The following DCTN3 variants were observed in gnomAD, a reference collection of about 807,000 sequenced individuals.
DCTN3 encodes dynactin 3 (p22).
In DCTN3, 25 loss-of-function variants were observed where a neutral mutation model predicts 28.4. The ratio of observed to expected loss-of-function variants is 0.88; its 90% CI spans 0.64 to 1.23. The LOEUF is 1.23. Ranked by LOEUF, DCTN3 falls within the 50% of genes most tolerant of loss-of-function variation. DCTN3 has a pLI of 0.00. For synonymous variants in DCTN3, 81 were observed against 91.4 expected, an observed-to-expected ratio of 0.89 and a Z score of 0.65; for missense variants, 229 against 232.0, an observed-to-expected ratio of 0.99 and a Z score of 0.08.
chr9:34,615,768 T>C (rs1225326910), intron 4 of DCTN3: 5 of 308,068 alleles, frequency 1.6e-5, no homozygotes, highest in African/African-American at 4.4e-5. Context: ...CCAGGTGTGG[T>C]GGCACACACC....
chr9:34,614,065 G>C lies in DCTN3; in HGVS notation c.448C>G (p.Leu150Val), dbSNP rs1564086279. 1.2e-6 allele frequency: 2 copies of C among 1,612,708 alleles called. No homozygotes were observed. The highest frequency in any genetic ancestry group is 1.1e-5 in the South Asian group (1 of 91,008). Residue 150 changes from leucine to valine, a missense_variant, in exon 6 of 7, where the codon CTC becomes GTC. Transcript: ENST00000259632. ...ACAGTCTTGTTGTATTCCTCCAGGAGAGCCTTGGACTCCTCAGTGATTTCC... is the reference window on the plus strand; with the variant it reads ...ACAGTCTTGTTGTATTCCTCCAGGACAGCCTTGGACTCCTCAGTGATTTCC... ...CVEITEESKA[L>V]LEEYNKTTML...
At chr9:34,619,466 T>C (rs888868828) in intron 1 of DCTN3, among the ~76,000 whole-genome samples, 2 of 152,046 alleles carry the variant, frequency 1.3e-5, no homozygotes, top group African/African-American at 4.8e-5. Context: ...AGAATCCCAA[T>C]ATTAAAGGGT....
chr9:34,614,158 A>C, intron 5 of DCTN3, 57 bp from the exon 6 acceptor site: 4 of 1,613,834 alleles, frequency 2.5e-6, no homozygotes, highest in Non-Finnish European at 3.4e-6. Context: ...ATCTTCCACT[A>C]AACTTCCTGC....
intron 1 of DCTN3, among the ~76,000 whole-genome samples, chr9:34,619,359 G>A (rs1820497816): frequency 6.6e-6 from 1 of 152,196 alleles, no homozygotes; most frequent in Non-Finnish European, 1.5e-5. Flanking sequence ...ACAGAAATCT[G>A]GACCAGAGAT....
rs529408280 is a variant in DCTN3 at position 34,619,559 on chromosome 9, A to G, written c.97-799T>C. Among the ~76,000 whole-genome samples the G allele has an allele frequency of 2.8e-4, 43 of 152,324 alleles. No homozygotes were observed. In the South Asian group the frequency reaches 8.3e-3, roughly 29 times the overall value. On this transcript the variant is annotated intron_variant, in intron 1 of 6. Coordinates refer to ENST00000259632, the MANE Select transcript of DCTN3 (RefSeq NM_007234.5). The stretch of plus-strand genomic sequence containing the variant: ...ATGAGGAATGCCAGGGGGGAGGCAA[A>G]TAACACTGAGAAGCAGCCGTAAGAG...
In DCTN3 at chr9:34,616,622, T is replaced by C. The variant is rs1329470931; in HGVS notation, c.269-509A>G. 6.5e-6 allele frequency: 1 copy of C among 153,434 alleles called. No homozygotes were observed. The highest frequency in any genetic ancestry group is 1.5e-5 in the Non-Finnish European group (1 of 68,950). 9.5% of individuals were successfully genotyped at this position (153,434 alleles called of 1,614,324 possible). ...GGAGAGCAGGATCTGGGCTAGGCCC[T>C]GTATGCACACGGGATTTCAATGCAC... On this transcript the variant is annotated intron_variant, in intron 3 of 6. Transcript: ENST00000259632. The surrounding 1 kb of genome is among the most constrained non-coding windows in gnomAD (Gnocchi z 4.7).
Position 34,614,711 on chromosome 9 carries a change from T to C in DCTN3, c.410A>G (p.Gln137Arg). ...TTCTAGTCATCTCCCCTCCCATACC[T>C]GCTGCTGAATGTGGATCTGGGCCAA... ...QRLAQIHIQQ[Q>R]DQCVEITEES... Residue 137 changes from glutamine to arginine, a missense_variant and splice_region_variant, in exon 5 of 7, where the codon CAG becomes CGG. Physicochemically the swap from Gln to Arg is conservative, Grantham distance 43 (BLOSUM62 1). Coordinates refer to ENST00000259632, the MANE Select transcript of DCTN3 (RefSeq NM_007234.5). 6.2e-7 allele frequency: 1 copy of C among 1,614,102 alleles called. No homozygotes were observed. Among genetic ancestry groups the C allele is most frequent in the Non-Finnish European group, 8.5e-7 (1 of 1,180,022 alleles).
intron 1 of DCTN3, among the ~76,000 whole-genome samples, chr9:34,619,484 A>G (rs1188694405): frequency 6.6e-6 from 1 of 152,178 alleles, no homozygotes. Context: ...GGTCAAATAG[A>G]GGAGGAGACT....
At chr9:34,617,681 C>T in intron 3 of DCTN3, 1 of 1,480,248 alleles carries the variant, frequency 6.8e-7, no homozygotes, top group Non-Finnish European at 9.1e-7. Context: ...GGCACCATGG[C>T]CTGCAGCTGG....
chr9:34,613,851 T>A lies in DCTN3; in HGVS notation c.492A>T (p.Gln164His), dbSNP rs751688962. 4.3e-6 allele frequency: 7 copies of A among 1,614,116 alleles called. No homozygotes were observed. The highest frequency in any genetic ancestry group is 5.9e-6 in the Non-Finnish European group (7 of 1,179,998). The change falls in exon 7 of 7, where the codon CAA becomes CAT. Residue 164 changes from glutamine to histidine, a missense_variant. Physicochemically the swap from Gln to His is conservative, Grantham distance 24. Coordinates refer to ENST00000259632, the MANE Select transcript of DCTN3 (RefSeq NM_007234.5). ...AAAGTAGCTCATCCCACTGCACGAA[T>A]TGCTTGGAGAGAAGCATTGTCTGGT... ...YNKTTMLLSKQFVQWDELLCQ... is the reference protein window; with the variant it reads ...YNKTTMLLSKHFVQWDELLCQ...
rs1438951323 is a variant in DCTN3, at chr9:34,616,977, T to G, written c.269-864A>C. On this transcript the variant is annotated intron_variant, in intron 3 of 6. Transcript: ENST00000259632. The surrounding 1 kb of genome is among the most constrained non-coding windows in gnomAD (Gnocchi z 4.7). ...GGAAAGATTAGGGTCAAGAGTATGA[T>G]TTAGGAGACTGTGCAACCATTCATA... Among the ~76,000 whole-genome samples, 1 of 152,100 alleles carries G rather than the reference T, an allele frequency of 6.6e-6. No homozygotes were observed. The highest frequency in any genetic ancestry group is 6.5e-5 in the Admixed American group (1 of 15,274).
At chr9:34,617,065 G>A (rs867741261) in intron 3 of DCTN3, among the ~76,000 whole-genome samples, 4 of 152,216 alleles carry the variant, frequency 2.6e-5, no homozygotes, top group African/African-American at 9.6e-5. Context: ...CTGGACTCAA[G>A]AGTCAGTGCA....
chr9:34,614,739 G>C lies in DCTN3; in HGVS notation c.382C>G (p.Arg128Gly). 1 of 1,614,008 alleles carries C rather than the reference G, an allele frequency of 6.2e-7. No homozygotes were observed. The highest frequency in any genetic ancestry group is 8.5e-7 in the Non-Finnish European group (1 of 1,180,028). The change falls in exon 5 of 7, where the codon CGC becomes GGC. Residue 128 changes from arginine to glycine, a missense_variant. By Grantham distance (125) the Arg-to-Gly change is moderately radical (BLOSUM62 -2). Transcript: ENST00000259632. ...TGCTGAATGTGGATCTGGGCCAAGC[G>C]CTGCAGGCGGGCAGCATGCTCAGGA... Reference protein sequence around the residue: ...AVPEHAARLQRLAQIHIQQQD... With the variant: ...AVPEHAARLQGLAQIHIQQQD...
In DCTN3 at chr9:34,616,229, C is replaced by T. The variant is rs901409620; in HGVS notation, c.269-116G>A. ...GATGGCTAGGTCCTAGAGCTTTGGA[C>T]AGTGACTCTGTCCACTGCCCCCTTC... On this transcript the variant is annotated intron_variant, in intron 3 of 6. Coordinates refer to ENST00000259632, the MANE Select transcript of DCTN3 (RefSeq NM_007234.5). This position sits in a 1 kb window ranked among gnomAD's most constrained non-coding sequence, Gnocchi z 4.7. 1.4e-6 allele frequency: 1 copy of T among 711,924 alleles called. No individual in the cohort carries two copies. The highest frequency in any genetic ancestry group is 2.4e-6 in the Non-Finnish European group (1 of 408,734). 44.1% of individuals were successfully genotyped at this position (711,924 alleles called of 1,614,324 possible). A position where few individuals can be genotyped will look rare whatever the true frequency, so the allele number is the denominator to read the frequency against.
chr9:34,613,785 C>A lies in DCTN3; in HGVS notation c.558G>T (p.Glu186Asp), dbSNP rs1820356080. The A allele has an allele frequency of 6.2e-7, 1 of 1,613,924 alleles. No individual in the cohort carries two copies. Among genetic ancestry groups the A allele is most frequent in the African/African-American group, 1.3e-5 (1 of 75,076 alleles). ...EAATQVKPAE[E>D] ...ACTTTGGGATGGGGAGCAGCTATCA[C>A]TCCTCTGCTGGCTTCACTTGCGTGG... is the stretch of plus-strand genomic sequence containing the variant. The change falls in exon 7 of 7, where the codon GAG becomes GAT. Residue 186 changes from glutamate to aspartate, a missense_variant. Physicochemically the swap from Glu to Asp is conservative, Grantham distance 45 (BLOSUM62 2). Coordinates refer to ENST00000259632, the MANE Select transcript of DCTN3 (RefSeq NM_007234.5).
At chr9:34,619,091 C>T (rs1318407859) in intron 1 of DCTN3, among the ~76,000 whole-genome samples, 1 of 152,202 alleles carries the variant, frequency 6.6e-6, no homozygotes, top group African/African-American at 2.4e-5. Flanking sequence ...CTCATTCAAG[C>T]CTTCATGACC....
rs182041904 is a variant in DCTN3, at chr9:34,617,405, C to A, written c.268+480G>T. Among the ~76,000 whole-genome samples the A allele has an allele frequency of 2.3e-4, 35 of 152,340 alleles. No homozygotes were observed. In the East Asian group the frequency reaches 5.4e-3, roughly 23 times the overall value. On this transcript the variant is annotated intron_variant, in intron 3 of 6. Transcript: ENST00000259632. ...GATGAATAACGAAGCTCAAAAAACC[C>A]TAGCTTATAGAATGGCTGACTGATT...
intron 1 of DCTN3, 57 bp downstream of exon 1, chr9:34,620,312 G>T: frequency 6.6e-7 from 1 of 1,511,672 alleles, no homozygotes; most frequent in Non-Finnish European, 9.2e-7. Flanking sequence ...CGAGGGCCAG[G>T]ACAGTGGACC....
chr9:34,614,710 C>G lies in DCTN3; in HGVS notation c.411G>C (p.Gln137His). 1 of 1,614,114 alleles carries G rather than the reference C, an allele frequency of 6.2e-7. No individual in the cohort carries two copies. The highest frequency in any genetic ancestry group is 2.2e-5 in the East Asian group (1 of 44,892). ...CTTCTAGTCATCTCCCCTCCCATAC[C>G]TGCTGCTGAATGTGGATCTGGGCCA... ...QRLAQIHIQQ[Q>H]DQCVEITEES... The change falls in exon 5 of 7, where the codon CAG becomes CAC. Residue 137 changes from glutamine to histidine, a missense_variant and splice_region_variant. Coordinates refer to ENST00000259632, the MANE Select transcript of DCTN3 (RefSeq NM_007234.5).
Sources: allele counts gnomAD v4.1 joint callset (sites outside exome capture counted in the v4.1 genomes callset), GRCh38; gene constraint gnomAD v4.1.1; non-coding constraint Gnocchi (gnomAD v3.1); transcripts MANE v1.5; gene names NCBI Gene and HGNC (gene_info 2026-07-23, HGNC 2026-07-21).